The following SPAG16 variants were observed in gnomAD, a reference collection of about 807,000 sequenced individuals.
SPAG16 encodes sperm-associated antigen 16 protein.
In SPAG16, 86 loss-of-function variants were observed where a neutral mutation model predicts 80.4. The observed-to-expected ratio is 1.07, with a 90% CI of 0.90 to 1.28. SPAG16 has a LOEUF of 1.28. Among genes scored for constraint, SPAG16 ranks in the 50% most tolerant of loss-of-function variants. SPAG16 has a pLI of 0.00. For missense variants in SPAG16, 870 were observed against 765.3 expected, an observed-to-expected ratio of 1.14 and a Z score of -1.61; for synonymous variants, 294 against 265.9, an observed-to-expected ratio of 1.11 and a Z score of -1.03.
At chr2:214,261,667 CA>C (rs1559163488) in intron 15 of SPAG16, among the ~76,000 whole-genome samples, 1 of 152,094 alleles carries the variant, frequency 6.6e-6, no homozygotes, top group African/African-American at 2.4e-5. Flanking sequence ...TGTATTTTAA[CA>C]GAGTAATTTT....
chr2:213,981,367 A>G (rs1306931099), intron 12 of SPAG16, among the ~76,000 whole-genome samples: 1 of 152,118 alleles, frequency 6.6e-6, no homozygotes, highest in Admixed American at 6.6e-5. Context: ...ATAGTATTCA[A>G]GGAGCTCTTT....
At chr2:213,640,735 GT>G (rs1456531017) in intron 10 of SPAG16, among the ~76,000 whole-genome samples, 1 of 152,212 alleles carries the variant, frequency 6.6e-6, no homozygotes, top group Non-Finnish European at 1.5e-5. Context: ...TATGCTAGCA[GT>G]AAAGTTGTCA....
intron 10 of SPAG16, among the ~76,000 whole-genome samples, chr2:213,595,214 T>G (rs954022886): frequency 3.3e-5 from 5 of 152,148 alleles, no homozygotes; most frequent in Admixed American, 1.3e-4. Flanking sequence ...AATAACACAT[T>G]CAAAAGAATT....
At chr2:214,352,363 T>G (rs1698468749) in intron 15 of SPAG16, among the ~76,000 whole-genome samples, 1 of 152,212 alleles carries the variant, frequency 6.6e-6, no homozygotes, top group Admixed American at 6.5e-5. Context: ...TTCAGTATAT[T>G]TGAAGGATAA....
rs569552261 is a variant in SPAG16, at chr2:213,892,182, A to G, written c.1214+29554A>G. ...ACCCTAGACAGCCTTCCTCCCTGCC[A>G]GGACATCCCCTTTAGGACCTTCTCC... On this transcript the variant is annotated intron_variant, in intron 11 of 15. Coordinates refer to ENST00000331683, the MANE Select transcript of SPAG16 (RefSeq NM_024532.5). Among the ~76,000 whole-genome samples the G allele has an allele frequency of 2.2e-4, 34 of 152,252 alleles. No individual in the cohort carries two copies. The South Asian group carries it at 6.6e-3, about 30-fold the overall frequency.
At chr2:214,384,474 G>A (rs984470276) in intron 15 of SPAG16, among the ~76,000 whole-genome samples, 1 of 152,170 alleles carries the variant, frequency 6.6e-6, no homozygotes, top group African/African-American at 2.4e-5. Context: ...ACTGTGTTGG[G>A]TTTCAGAGTA....
chr2:213,909,281 T>C (rs1238505910), intron 11 of SPAG16, among the ~76,000 whole-genome samples: 4 of 151,930 alleles, frequency 2.6e-5, no homozygotes, highest in Non-Finnish European at 5.9e-5. Flanking sequence ...AGAATCAATA[T>C]CGTGAAAATG....
intron 12 of SPAG16, among the ~76,000 whole-genome samples, chr2:213,978,633 T>C (rs547943566): frequency 6.6e-6 from 1 of 152,188 alleles, no homozygotes; most frequent in South Asian, 2.1e-4. Flanking sequence ...AGCAAACATT[T>C]ACTGTCTCAC....
intron 1 of SPAG16, 112 bp downstream of exon 1, chr2:213,284,731 G>A (rs1361532204): frequency 7.1e-7 from 1 of 1,410,294 alleles, no homozygotes; most frequent in African/African-American, 1.4e-5. Context: ...CACTCCGGAG[G>A]AGCCTCTGTT....
At chr2:214,286,472 C>T (rs974486486) in intron 15 of SPAG16, among the ~76,000 whole-genome samples, 3 of 152,054 alleles carry the variant, frequency 2.0e-5, no homozygotes, top group Non-Finnish European at 2.9e-5. Context: ...AGAGGCTGGG[C>T]GTGGTGGCTC....
intron 15 of SPAG16, among the ~76,000 whole-genome samples, chr2:214,291,261 G>T (rs538950373): frequency 6.7e-6 from 1 of 150,190 alleles, no homozygotes. Context: ...TGTAGGTAAA[G>T]GGTGTTTCTT....
chr2:214,230,977 G>T (rs938769390), intron 15 of SPAG16, among the ~76,000 whole-genome samples: 1 of 151,942 alleles, frequency 6.6e-6, no homozygotes, highest in Non-Finnish European at 1.5e-5. Context: ...CCATCCCAAA[G>T]ATCTTAAATT....
At chr2:213,535,553 T>C (rs1464526805) in intron 10 of SPAG16, among the ~76,000 whole-genome samples, 1 of 152,146 alleles carries the variant, frequency 6.6e-6, no homozygotes, top group African/African-American at 2.4e-5. Context: ...CAATTTTCAT[T>C]TCTTATTGAA....
intron 11 of SPAG16, among the ~76,000 whole-genome samples, chr2:213,880,825 A>C (rs1223694606): frequency 6.6e-6 from 1 of 152,106 alleles, no homozygotes; most frequent in African/African-American, 2.4e-5. Flanking sequence ...ATTTTGATGC[A>C]TTAGTCTATG....
At chr2:214,114,462 C>T (rs1307463487) in intron 14 of SPAG16, among the ~76,000 whole-genome samples, 2 of 152,148 alleles carry the variant, frequency 1.3e-5, no homozygotes, top group African/African-American at 4.8e-5. Context: ...GGCAGTAGGC[C>T]TTGCTTTTTG....
chr2:213,758,272 T>C (rs1281438273), intron 10 of SPAG16: 1 of 152,622 alleles, frequency 6.6e-6, no homozygotes, highest in African/African-American at 2.4e-5. Context: ...GAGAATCTAA[T>C]TTTTAGAGTT....
At chr2:214,324,660 C>G (rs1056486085) in intron 15 of SPAG16, among the ~76,000 whole-genome samples, 1 of 152,022 alleles carries the variant, frequency 6.6e-6, no homozygotes, top group African/African-American at 2.4e-5. Context: ...CCAAAGAGAT[C>G]CAGCATAAAG....
At chr2:213,771,679 A>C (rs557332318) in intron 10 of SPAG16, among the ~76,000 whole-genome samples, 2 of 152,194 alleles carry the variant, frequency 1.3e-5, no homozygotes, top group South Asian at 4.1e-4. Context: ...ATGGCTAGTC[A>C]GTTTTTCCAC....
intron 13 of SPAG16, among the ~76,000 whole-genome samples, chr2:214,101,047 A>T (rs1274208362): frequency 6.6e-6 from 1 of 152,140 alleles, no homozygotes; most frequent in Admixed American, 6.6e-5. Flanking sequence ...TTTTAGTGAT[A>T]ATATGCTTGG....
Sources: gnomAD v4.1 joint callset for allele counts (sites outside exome capture counted in the v4.1 genomes callset) on GRCh38, gnomAD v4.1.1 for gene constraint, MANE v1.5 for transcripts, NCBI Gene and HGNC (gene_info 2026-07-23, HGNC 2026-07-21) for gene names.